Variants in MAST2 observed in about 807,000 individuals in gnomAD.
MAST2 encodes microtubule associated serine/threonine kinase 2.
A neutral mutation model predicts 147.4 loss-of-function variants in MAST2; 70 were observed. That is an observed-to-expected ratio of 0.47 (90% CI 0.39 to 0.58). The LOEUF (loss-of-function observed/expected upper bound fraction) is 0.58, where lower values mean the gene tolerates loss of function less well. Ranked by LOEUF, MAST2 falls within the 20% of genes least tolerant of loss-of-function variation. The probability of loss-of-function intolerance (pLI) is 0.00; values close to 1 mark genes in which losing one functional copy is unlikely to be tolerated. For missense variants in MAST2, 2,080 were observed against 2,302.3 expected (o/e 0.90, Z 1.98); for synonymous variants, 869 against 896.8 (o/e 0.97, Z 0.55).
intron 1 of MAST2, among the ~76,000 whole-genome samples, chr1:45,816,156 G>A (rs1446939639): frequency 6.7e-6 from 1 of 150,254 alleles, no homozygotes; most frequent in Non-Finnish European, 1.5e-5. Flanking sequence ...CTGTGGCAGA[G>A]GTAGTCTCTG....
In MAST2 at chr1:46,034,155, C is replaced by A. The variant is rs1646798348; in HGVS notation, c.3757C>A (p.Arg1253Ser). 1.2e-6 allele frequency: 2 copies of A among 1,614,174 alleles called. No individual in the cohort carries two copies. Among genetic ancestry groups the A allele is most frequent in the Non-Finnish European group, 1.7e-6 (2 of 1,180,024 alleles). Residue 1253 changes from arginine (R) to serine (S), a missense_variant, in exon 28 of 29, where the codon CGC (arginine) becomes AGC (serine). Physicochemically the swap from Arg to Ser is moderately radical, Grantham distance 110 (BLOSUM62 -1). This residue lies in a region of MAST2 where 1,278 missense variants were observed against 1,304.2 expected (regional missense o/e 0.98). Coordinates refer to ENST00000361297, the MANE Select transcript of MAST2 (RefSeq NM_015112.3). Reference sequence around the variant, plus strand: ...CAGCCGCAGCCTTTCTTCCCTTAACCGCTCCTTGTCATCAGGGGAGAGTGG... The same window carrying A: ...CAGCCGCAGCCTTTCTTCCCTTAACAGCTCCTTGTCATCAGGGGAGAGTGG... The part of the protein sequence containing the change: ...HTSRSLSSLN[R>S]SLSSGESGPG...
At chr1:45,993,574 C>T (rs1464782625) in intron 5 of MAST2, among the ~76,000 whole-genome samples, 1 of 152,060 alleles carries the variant, frequency 6.6e-6, no homozygotes, top group Non-Finnish European at 1.5e-5. Flanking sequence ...ATCCCAGTTA[C>T]TTGGGAGGCT....
chr1:45,851,802 T>A (rs1645631578), intron 3 of MAST2, among the ~76,000 whole-genome samples: 1 of 152,120 alleles, frequency 6.6e-6, no homozygotes. Flanking sequence ...GGACTGAGAT[T>A]GCTGCTGGCA....
At chr1:45,830,297 C>T (rs1644916489) in intron 3 of MAST2, among the ~76,000 whole-genome samples, 1 of 148,830 alleles carries the variant, frequency 6.7e-6, no homozygotes, top group African/African-American at 2.5e-5. Flanking sequence ...GCCTCAGCCT[C>T]CCAAGTAGCT....
chr1:45,929,390 G>T (rs911506367), intron 4 of MAST2, among the ~76,000 whole-genome samples: 6 of 152,200 alleles, frequency 3.9e-5, no homozygotes, highest in Admixed American at 6.5e-5. Context: ...AGCAGGGGGG[G>T]AGTTGTTGGT....
At chr1:45,967,485 T>A (rs1301877785) in intron 5 of MAST2, among the ~76,000 whole-genome samples, 1 of 152,214 alleles carries the variant, frequency 6.6e-6, no homozygotes, top group African/African-American at 2.4e-5. Flanking sequence ...ATGTATTATA[T>A]ACGATACTCA....
At chr1:46,002,391 G>T (rs1645309793) in intron 6 of MAST2, among the ~76,000 whole-genome samples, 1 of 152,184 alleles carries the variant, frequency 6.6e-6, no homozygotes, top group Admixed American at 6.5e-5. Context: ...GCCTGGGGAA[G>T]ACCAAAGAGC....
chr1:45,872,884 C>G (rs1023035855), intron 3 of MAST2, among the ~76,000 whole-genome samples: 1 of 152,164 alleles, frequency 6.6e-6, no homozygotes, highest in Non-Finnish European at 1.5e-5. Context: ...GTATGTATAA[C>G]TTTCTTTGTA....
intron 4 of MAST2, among the ~76,000 whole-genome samples, chr1:45,940,972 C>T (rs1407088185): frequency 2.6e-5 from 4 of 152,150 alleles, no homozygotes; most frequent in Non-Finnish European, 5.9e-5. Flanking sequence ...AAAGAAAAGT[C>T]ATTGGTACTT....
chr1:45,924,851 G>A (rs1654112009), intron 4 of MAST2, among the ~76,000 whole-genome samples: 1 of 152,094 alleles, frequency 6.6e-6, no homozygotes, highest in African/African-American at 2.4e-5. Flanking sequence ...AAGCACAGAG[G>A]GAAGGCCATG....
intron 5 of MAST2, among the ~76,000 whole-genome samples, chr1:45,963,627 G>C (rs542702268): frequency 1.9e-4 from 29 of 152,266 alleles, no homozygotes; most frequent in Non-Finnish European, 3.4e-4. Context: ...TCCTGAGACT[G>C]CTGAAGTTGC....
chr1:46,003,524 G>T (rs1645358679), intron 7 of MAST2, among the ~76,000 whole-genome samples: 1 of 151,740 alleles, frequency 6.6e-6, no homozygotes, highest in Non-Finnish European at 1.5e-5. Context: ...CTGGAGTGCA[G>T]TGGCGCAATC....
chr1:45,809,300 C>T (rs560278603), intron 1 of MAST2, among the ~76,000 whole-genome samples: 5 of 152,148 alleles, frequency 3.3e-5, no homozygotes, highest in South Asian at 2.1e-4. Flanking sequence ...TCTCTGCTTC[C>T]GCATATTAAA....
chr1:45,926,358 T>A (rs995411684), intron 4 of MAST2, among the ~76,000 whole-genome samples: 1 of 152,256 alleles, frequency 6.6e-6, no homozygotes, highest in African/African-American at 2.4e-5. Context: ...GCACTTCATT[T>A]TGCTTCCATT....
rs1557924678 is a variant in MAST2 at position 45,931,379 on chromosome 1, T to TG, written c.501-28007_501-28006insG. ...ACAAAAAGGTGGTATTGTGTTCTGT[T>TG]TTTTTTTTTTTTTTTTTTTTGAGAT... On this transcript the variant is annotated intron_variant, in intron 4 of 28. Transcript: ENST00000361297. Among the ~76,000 whole-genome samples, 24 of 145,052 alleles carry TG rather than the reference T, an allele frequency of 1.7e-4. No individual in the cohort carries two copies. The South Asian group carries it at 5.2e-3, about 31-fold the overall frequency.
At chr1:45,849,004 A>T (rs1457939199) in intron 3 of MAST2, among the ~76,000 whole-genome samples, 2 of 152,174 alleles carry the variant, frequency 1.3e-5, no homozygotes, top group African/African-American at 2.4e-5. Context: ...AGAATACAAT[A>T]CCTAGGAATA....
chr1:46,008,147 T>TAAGA (rs1360649015), intron 8 of MAST2, 149 bp from the exon 9 acceptor site: 24 of 615,324 alleles, frequency 3.9e-5, no homozygotes, highest in Non-Finnish European at 6.5e-5. Flanking sequence ...ACTCCAGGAA[T>TAAGA]AAGAAAGGCT....
intron 5 of MAST2, among the ~76,000 whole-genome samples, chr1:45,964,447 G>C (rs1660877636): frequency 6.6e-6 from 1 of 152,182 alleles, no homozygotes. Context: ...AGTCTTGGGA[G>C]GGGGTATGTG....
intron 3 of MAST2, among the ~76,000 whole-genome samples, chr1:45,856,682 C>T (rs935645575): frequency 6.6e-6 from 1 of 151,618 alleles, no homozygotes; most frequent in Admixed American, 6.6e-5. Context: ...TTACAGGGCA[C>T]AGTAAAATAA....
Sources: gnomAD v4.1 joint callset for allele counts (sites outside exome capture counted in the v4.1 genomes callset) on GRCh38, gnomAD v4.1.1 for gene constraint, gnomAD v4.1.1 regional missense constraint, MANE v1.5 for transcripts, NCBI Gene and HGNC (gene_info 2026-07-23, HGNC 2026-07-21) for gene names.